Variants in SLF1 observed in about 807,000 individuals in gnomAD.
SLF1 encodes the protein SMC5-SMC6 complex localization factor protein 1.
SLF1 carries 105 observed loss-of-function variants against 123.0 expected under a neutral mutation model. That is an observed-to-expected ratio of 0.85 (90% CI 0.73 to 1.00). The LOEUF (loss-of-function observed/expected upper bound fraction) is 1.00, where lower values mean the gene tolerates loss of function less well. Ranked by LOEUF, SLF1 falls within the 50% of genes least tolerant of loss-of-function variation. The pLI, the probability that SLF1 is intolerant of heterozygous loss-of-function variation, is 0.00. For missense variants in SLF1, 1,239 were observed against 1,223.0 expected (o/e 1.01, Z -0.20); for synonymous variants, 434 against 406.6 (o/e 1.07, Z -0.81).
At chr5:94,691,412 T>G in intron 18 of SLF1, 152 bp from the exon 19 acceptor site, 1 of 218,940 alleles carries the variant, frequency 4.6e-6, no homozygotes, top group Non-Finnish European at 8.8e-6. Flanking sequence ...CCCCGCCTTT[T>G]TAAATGCAGG....
At chr5:94,632,646 A>T (rs1356496776) in intron 4 of SLF1, among the ~76,000 whole-genome samples, 1 of 151,860 alleles carries the variant, frequency 6.6e-6, no homozygotes, top group African/African-American at 2.4e-5. Context: ...ATCTTTTGAG[A>T]TAATTTGCTT....
In SLF1 at chr5:94,630,456, A is replaced by G. The variant is rs1212282755; in HGVS notation, c.191-47A>G. 4 of 1,515,468 alleles carry G rather than the reference A, an allele frequency of 2.6e-6. No individual in the cohort carries two copies. The Admixed American group carries it at 8.6e-5, about 33-fold the overall frequency. 93.9% of individuals were successfully genotyped at this position (1,515,468 alleles called of 1,614,324 possible). On this transcript the variant is annotated intron_variant, in intron 3 of 20. Coordinates refer to ENST00000265140, the MANE Select transcript of SLF1 (RefSeq NM_032290.4). ...ATTTGATCTTTATTGTTTATCATTTATCAGAACCAAAATTCCTTTGTGACT... is the reference window on the plus strand; with the variant it reads ...ATTTGATCTTTATTGTTTATCATTTGTCAGAACCAAAATTCCTTTGTGACT...
intron 4 of SLF1, among the ~76,000 whole-genome samples, chr5:94,636,519 CTGTT>C (rs991132147): frequency 2.0e-5 from 3 of 152,098 alleles, no homozygotes; most frequent in Admixed American, 2.0e-4. Context: ...ATTCTTTCCT[CTGTT>C]TGATTAAGCC....
intron 15 of SLF1, among the ~76,000 whole-genome samples, chr5:94,683,945 T>G (rs1752101321): frequency 6.6e-6 from 1 of 152,222 alleles, no homozygotes; most frequent in South Asian, 2.1e-4. Flanking sequence ...ACCCTTTCCT[T>G]AAAGTTCTTA....
chr5:94,690,399 C>T (rs1273875344), intron 18 of SLF1, among the ~76,000 whole-genome samples: 2 of 152,036 alleles, frequency 1.3e-5, no homozygotes, highest in African/African-American at 4.8e-5. Context: ...AAATAACTGT[C>T]CATTTGACTT....
chr5:94,658,188 A>T (rs1585167197), intron 9 of SLF1, among the ~76,000 whole-genome samples: 1 of 135,994 alleles, frequency 7.4e-6, no homozygotes. Flanking sequence ...TATTGGTGAC[A>T]TTTGGCTCTT....
chr5:94,653,613 A>C (rs567582654), intron 8 of SLF1, among the ~76,000 whole-genome samples, 192 bp downstream of exon 8: 1 of 152,328 alleles, frequency 6.6e-6, no homozygotes, highest in African/African-American at 2.4e-5. Context: ...AAGAAATCTG[A>C]GTTAATAATC....
At position 94,696,566 on chromosome 5, in the gene SLF1, C is replaced by T. The variant is rs1176544345; in HGVS notation, c.*1254C>T. On this transcript the variant is annotated 3_prime_UTR_variant, in exon 21 of 21. Transcript: ENST00000265140. ...CAGACAAAAAATGATATAGTGAAGA[C>T]TATCTAAGAAGAGTTTAAATGCTTA... The T allele has an allele frequency of 6.6e-6, 1 of 151,784 alleles. No individual in the cohort carries two copies. Among genetic ancestry groups the T allele is most frequent in the Non-Finnish European group, 1.5e-5 (1 of 67,830 alleles). The allele number at this position is 151,784 out of a possible 1,614,324, so 9.4% of individuals were successfully genotyped here. A position where few individuals can be genotyped will look rare whatever the true frequency, so the allele number is the denominator to read the frequency against.
chr5:94,675,384 C>A (rs1173082055), intron 14 of SLF1, among the ~76,000 whole-genome samples: 1 of 152,202 alleles, frequency 6.6e-6, no homozygotes, highest in Admixed American at 6.5e-5. Flanking sequence ...GTGTTCTCTT[C>A]TGTCAGCTTT....
chr5:94,628,714 AGTTT>A (rs1744885801), intron 1 of SLF1, 93 bp from the exon 2 acceptor site: 3 of 642,118 alleles, frequency 4.7e-6, no homozygotes, highest in Non-Finnish European at 7.5e-6. Context: ...TATGTTTAAT[AGTTT>A]ATTTTTAGTA....
At chr5:94,635,476 T>C (rs1183099702) in intron 4 of SLF1, among the ~76,000 whole-genome samples, 1 of 151,936 alleles carries the variant, frequency 6.6e-6, no homozygotes, top group Non-Finnish European at 1.5e-5. Context: ...TGTAGTTTGT[T>C]TTCCAGTTGA....
At position 94,637,034 on chromosome 5, in the gene SLF1, G is replaced by A. The variant is rs78930851; in HGVS notation, c.432-6239G>A. On this transcript the variant is annotated intron_variant, in intron 4 of 20. Coordinates refer to ENST00000265140, the MANE Select transcript of SLF1 (RefSeq NM_032290.4). The stretch of plus-strand genomic sequence containing the variant: ...TATGCCTGGCCTGAACTTCTTTAAA[G>A]GGATTATTCTTTGTCTATCATTCTG... Among the ~76,000 whole-genome samples the A allele has an allele frequency of 5.9e-3, 893 of 152,198 alleles. 5 individuals carry two copies. The highest frequency in any genetic ancestry group is 0.017 in the Middle Eastern group (5 of 292).
intron 1 of SLF1, 92 bp from the exon 2 acceptor site, chr5:94,628,719 A>AT: frequency 1.4e-6 from 1 of 706,560 alleles, no homozygotes; most frequent in Middle Eastern, 2.9e-4. Flanking sequence ...TTAATAGTTT[A>AT]TTTTTAGTAC....
chr5:94,636,710 A>AT (rs140191160), intron 4 of SLF1, among the ~76,000 whole-genome samples: 3,985 of 75,448 alleles, frequency 0.053, 569 homozygotes, highest in Middle Eastern at 0.092. Flanking sequence ...TATTTTACTG[A>AT]TTTTTTTTTT....
At chr5:94,663,501 G>T (rs184869328) in intron 10 of SLF1, among the ~76,000 whole-genome samples, 150 of 152,314 alleles carry the variant, frequency 9.8e-4, no homozygotes, top group Admixed American at 1.9e-3. Context: ...AAAATCAGCT[G>T]GGTGTGGTGG....
intron 14 of SLF1, chr5:94,678,421 CAG>C (rs1414019114): frequency 2.6e-5 from 4 of 155,712 alleles, no homozygotes; most frequent in African/African-American, 9.7e-5. Flanking sequence ...TGTATATAAA[CAG>C]TGGAGGTAGA....
intron 4 of SLF1, among the ~76,000 whole-genome samples, 164 bp downstream of exon 4, chr5:94,630,907 T>C (rs1039106524): frequency 1.3e-5 from 2 of 152,220 alleles, no homozygotes; most frequent in African/African-American, 4.8e-5. Context: ...TATGTGTCTT[T>C]AATAGAACAA....
chr5:94,630,561 T>G lies in SLF1; in HGVS notation c.249T>G (p.Leu83=), dbSNP rs1745090760. The G allele has an allele frequency of 1.3e-6, 2 of 1,551,568 alleles. No homozygotes were observed. Among genetic ancestry groups the G allele is most frequent in the Non-Finnish European group, 1.7e-6 (2 of 1,146,978 alleles). ...ATAGTGCCAAAAGTGGCAGATGGCT[T>G]GATGAAACAACTTATGAATGGGGAT... ...IIHSAKSGRW[L]DETTYEWGYK... The change falls in exon 4 of 21, where the codon CTT becomes CTG. Residue 83 remains leucine, a synonymous_variant. Coordinates refer to ENST00000265140, the MANE Select transcript of SLF1 (RefSeq NM_032290.4).
chr5:94,634,010 C>T (rs899871383), intron 4 of SLF1, among the ~76,000 whole-genome samples: 8 of 152,072 alleles, frequency 5.3e-5, no homozygotes, highest in South Asian at 2.1e-4. Flanking sequence ...TTGTATTAAT[C>T]GTGTTTGCTT....
Sources: gnomAD v4.1 joint callset for allele counts (sites outside exome capture counted in the v4.1 genomes callset) on GRCh38, gnomAD v4.1.1 for gene constraint, MANE v1.5 for transcripts, NCBI Gene and HGNC (gene_info 2026-07-23, HGNC 2026-07-21) for gene names.